COPS7A: variants seen among roughly 807,000 people sequenced by gnomAD.
COPS7A encodes COP9 signalosome subunit 7A.
A neutral mutation model predicts 35.2 loss-of-function variants in COPS7A; 20 were observed. The observed-to-expected ratio is 0.57, with a 90% CI of 0.40 to 0.83. COPS7A has a LOEUF of 0.83. COPS7A is among the 40% of genes least tolerant of loss of function. The pLI, the probability that COPS7A is intolerant of heterozygous loss-of-function variation, is 0.00. For missense variants in COPS7A, 247 were observed against 347.5 expected (o/e 0.71, Z 2.30); for synonymous variants, 139 against 141.4 (o/e 0.98, Z 0.12).
chr12:6,728,336 C>T (rs528908736), intron 4 of COPS7A, 25 bp downstream of exon 4: 20 of 1,590,464 alleles, frequency 1.3e-5, no homozygotes, highest in South Asian at 4.4e-5. Flanking sequence ...CCCAGTCCTA[C>T]GGTCTAGAGC....
rs146849329 is a variant in COPS7A, at chr12:6,730,665, G to A, written c.637-4G>A. ...TGCTATCCCCATTCCTTTCATCCTG[G>A]TAGGTTGCCAACCTTAAAAAAACCA... On this transcript the variant is annotated splice_region_variant and splice_polypyrimidine_tract_variant and intron_variant, in intron 6 of 7. Coordinates refer to ENST00000543155, the MANE Select transcript of COPS7A (RefSeq NM_001164094.2). 7,654 of 1,614,046 alleles carry A rather than the reference G, an allele frequency of 4.7e-3. 29 individuals are homozygous for A. The highest frequency in any genetic ancestry group is 5.5e-3 in the Non-Finnish European group (6,536 of 1,179,982).
intron 6 of COPS7A, 30 bp downstream of exon 6, chr12:6,730,537 A>G (rs1368288009): frequency 2.5e-6 from 4 of 1,612,378 alleles, no homozygotes; most frequent in African/African-American, 2.7e-5. Flanking sequence ...GGCAGACCCA[A>G]ACTCCTCCAG....
At chr12:6,726,279 C>T (rs920940724) in intron 2 of COPS7A, among the ~76,000 whole-genome samples, 11 of 150,918 alleles carry the variant, frequency 7.3e-5, no homozygotes, top group Admixed American at 2.7e-4. Flanking sequence ...CAGAGCGAGA[C>T]TCCATCTCAA....
rs1001415163 is a variant in COPS7A, at chr12:6,730,757, T to C, written c.725T>C (p.Leu242Pro). ...SQDPEQHLTE[L>P]REPAPGTNQR... ...GACCCTGAGCAACACCTGACTGAGCTGAGGGAACCAGCTCCTGGCACCAAC... is the reference window on the plus strand; with the variant it reads ...GACCCTGAGCAACACCTGACTGAGCCGAGGGAACCAGCTCCTGGCACCAAC... The change falls in exon 7 of 8, where the codon CTG (leucine) becomes CCG (proline). Residue 242 changes from leucine (L) to proline (P), a missense_variant. Coordinates refer to ENST00000543155, the MANE Select transcript of COPS7A (RefSeq NM_001164094.2). 1 of 1,614,056 alleles carries C rather than the reference T, an allele frequency of 6.2e-7. No homozygotes were observed. Among genetic ancestry groups the C allele is most frequent in the African/African-American group, 1.3e-5 (1 of 74,918 alleles).
In COPS7A at chr12:6,730,988, T is replaced by C. The variant is rs368132382; in HGVS notation, c.789-12T>C. 19 of 1,611,460 alleles carry C rather than the reference T, an allele frequency of 1.2e-5. No individual in the cohort carries two copies. In the African/African-American group the frequency reaches 1.6e-4, roughly 14 times the overall value. The stretch of plus-strand genomic sequence containing the variant: ...TCTCTCTCTCTCTCTTTCTCTCTCT[T>C]CTCCTTGCCAGGCTCCGAGGGAGCG... On this transcript the variant is annotated splice_polypyrimidine_tract_variant and intron_variant, in intron 7 of 7. Coordinates refer to ENST00000543155, the MANE Select transcript of COPS7A (RefSeq NM_001164094.2).
chr12:6,731,371 T>C lies in COPS7A; in HGVS notation c.*332T>C. ...TGGGTAGCCCTGATGGGGGTCGCTC[T>C]GTCTGGAGCATAACCCACAGGCGTT... On this transcript the variant is annotated 3_prime_UTR_variant, in exon 8 of 8. Coordinates refer to ENST00000543155, the MANE Select transcript of COPS7A (RefSeq NM_001164094.2). 7.4e-7 allele frequency: 1 copy of C among 1,343,174 alleles called. No individual in the cohort carries two copies. Among genetic ancestry groups the C allele is most frequent in the Non-Finnish European group, 9.6e-7 (1 of 1,041,038 alleles). 83.2% of individuals were successfully genotyped at this position (1,343,174 alleles called of 1,614,324 possible).
At position 6,724,384 on chromosome 12, in the gene COPS7A, A is replaced by G. The variant is rs567005637; in HGVS notation, c.-44+205A>G. ...TTTGCATCCTGTGTCTTGGGGTTCA[A>G]TGGGGTGCACGTGATGGGGCTTGGG... On this transcript the variant is annotated intron_variant, in intron 1 of 7. Coordinates refer to ENST00000543155, the MANE Select transcript of COPS7A (RefSeq NM_001164094.2). The G allele has an allele frequency of 3.0e-3, 1,571 of 520,296 alleles. 3 individuals are homozygous for G. The highest frequency in any genetic ancestry group is 4.0e-3 in the Non-Finnish European group (1,112 of 280,450). 32.2% of individuals were successfully genotyped at this position (520,296 alleles called of 1,614,324 possible). A position where few individuals can be genotyped will look rare whatever the true frequency, so the allele number is the denominator to read the frequency against.
At position 6,730,422 on chromosome 12, in the gene COPS7A, T is replaced by C. The variant is rs758294402; in HGVS notation, c.551T>C (p.Val184Ala). 6.2e-7 allele frequency: 1 copy of C among 1,614,072 alleles called. No individual in the cohort carries two copies. Among genetic ancestry groups the C allele is most frequent in the South Asian group, 1.1e-5 (1 of 91,070 alleles). ...TGCAGGTGTGTGGGCTGTGAGGTCG[T>C]GCTGTCAGGCATTGAGGAGCAGGTG... Reference protein sequence around the residue: ...LQEWCVGCEVVLSGIEEQVSR... With the variant: ...LQEWCVGCEVALSGIEEQVSR... The change falls in exon 6 of 8, where the codon GTG becomes GCG. Residue 184 changes from valine to alanine, a missense_variant. Val to Ala is a moderately conservative substitution (Grantham distance 64). Coordinates refer to ENST00000543155, the MANE Select transcript of COPS7A (RefSeq NM_001164094.2).
At position 6,730,696 on chromosome 12, in the gene COPS7A, G is replaced by A; in HGVS notation, c.664G>A (p.Val222Ile). 6.2e-7 allele frequency: 1 copy of A among 1,614,130 alleles called. No individual in the cohort carries two copies. The highest frequency in any genetic ancestry group is 8.5e-7 in the Non-Finnish European group (1 of 1,180,016). Residue 222 changes from valine to isoleucine, a missense_variant, in exon 7 of 8, where the codon GTT becomes ATT. By Grantham distance (29) the Val-to-Ile change is conservative. Transcript: ENST00000543155. Reference sequence around the variant, plus strand: ...TGCCAACCTTAAAAAAACCATTAAAGTTACGACGGCAGCAGCAGCCGCAGC... The same window carrying A: ...TGCCAACCTTAAAAAAACCATTAAAATTACGACGGCAGCAGCAGCCGCAGC... ...EVANLKKTIK[V>I]TTAAAAAATS... is the part of the protein sequence containing the mutation.
At position 6,728,165 on chromosome 12, in the gene COPS7A, C is replaced by T. The variant is rs1041866627; in HGVS notation, c.239-58C>T. 1.0e-5 allele frequency: 16 copies of T among 1,551,182 alleles called. No homozygotes were observed. In the African/African-American group the frequency reaches 2.2e-4, roughly 21 times the overall value. On this transcript the variant is annotated intron_variant, in intron 3 of 7. Coordinates refer to ENST00000543155, the MANE Select transcript of COPS7A (RefSeq NM_001164094.2). ...GAAAGTGGGAGGGAAGGGAAGGAGG[C>T]TAGGGCTTCCCAGAAAACTGAAATC... is the stretch of plus-strand genomic sequence containing the variant.
In COPS7A at chr12:6,728,279, C is replaced by T; in HGVS notation, c.295C>T (p.Leu99Phe). Residue 99 changes from leucine (L) to phenylalanine (F), a missense_variant, in exon 4 of 8, where the codon CTC (leucine) becomes TTC (phenylalanine). By Grantham distance (22) the Leu-to-Phe change is conservative. Transcript: ENST00000543155. Reference sequence around the variant, plus strand: ...GGCTCAGAAGAATAAGCTTCGACACCTCTCAGTTGTCACCCTGGCTGCTAA... The same window carrying T: ...GGCTCAGAAGAATAAGCTTCGACACTTCTCAGTTGTCACCCTGGCTGCTAA... ...TEAQKNKLRH[L>F]SVVTLAAKVK... is the part of the protein sequence containing the mutation. 1.9e-6 allele frequency: 3 copies of T among 1,614,162 alleles called. No individual in the cohort carries two copies. The highest frequency in any genetic ancestry group is 2.5e-6 in the Non-Finnish European group (3 of 1,180,014).
Position 6,731,338 on chromosome 12 carries a change from T to A in COPS7A, c.*299T>A. ...TCTGTCCCTGTTCATTACATGTCAT[T>A]GAGTAGGTGGGTAGCCCTGATGGGG... On this transcript the variant is annotated 3_prime_UTR_variant, in exon 8 of 8. Coordinates refer to ENST00000543155, the MANE Select transcript of COPS7A (RefSeq NM_001164094.2). The A allele has an allele frequency of 7.1e-7, 1 of 1,410,276 alleles. No homozygotes were observed. Among genetic ancestry groups the A allele is most frequent in the Non-Finnish European group, 9.2e-7 (1 of 1,086,162 alleles). The allele number at this position is 1,410,276 out of a possible 1,614,324, so 87.4% of individuals were successfully genotyped here.
rs3168600 is a variant in COPS7A, at chr12:6,731,043, G to A, written c.*4G>A. The A allele has an allele frequency of 0.65, 1,046,431 of 1,613,264 alleles. 341,820 individuals carry two copies. The highest frequency in any genetic ancestry group is 0.8 in the South Asian group (73,176 of 91,074). ...GATTTGGTCCAAGTCGAATTGAAAG[G>A]ACTGTCGTTTCCTCCCTGGGGATGT... On this transcript the variant is annotated 3_prime_UTR_variant, in exon 8 of 8. Transcript: ENST00000543155.
chr12:6,730,019 G>A (rs1377408639), intron 5 of COPS7A, among the ~76,000 whole-genome samples: 1 of 152,110 alleles, frequency 6.6e-6, no homozygotes, highest in Non-Finnish European at 1.5e-5. Flanking sequence ...TCCCAACTCA[G>A]ACTCAAAATG....
chr12:6,724,209 G>A (rs974032196), intron 1 of COPS7A, 30 bp downstream of exon 1: 3 of 269,648 alleles, frequency 1.1e-5, no homozygotes, highest in African/African-American at 4.7e-5. Flanking sequence ...GGGAGCCCAC[G>A]GTCGCTGGGC....
intron 4 of COPS7A, 120 bp downstream of exon 4, chr12:6,728,431 T>G: frequency 1.4e-6 from 1 of 694,096 alleles, no homozygotes; most frequent in Non-Finnish European, 2.5e-6. Flanking sequence ...TCCTCCAAGG[T>G]CTGTATATAA....
chr12:6,730,131 TCA>T (rs1941355827), intron 5 of COPS7A, among the ~76,000 whole-genome samples: 1 of 152,170 alleles, frequency 6.6e-6, no homozygotes, highest in Admixed American at 6.5e-5. Flanking sequence ...ACCCTCCACC[TCA>T]GTCTCTTGAG....
intron 7 of COPS7A, 82 bp downstream of exon 7, chr12:6,730,902 G>A: frequency 6.3e-7 from 1 of 1,593,378 alleles, no homozygotes; most frequent in South Asian, 1.1e-5. Flanking sequence ...ATTTCCTTCA[G>A]TTATTTGCAT....
In COPS7A at chr12:6,731,142, T is replaced by G; in HGVS notation, c.*103T>G. 1 of 1,609,170 alleles carries G rather than the reference T, an allele frequency of 6.2e-7. No homozygotes were observed. Among genetic ancestry groups the G allele is most frequent in the South Asian group, 1.1e-5 (1 of 90,478 alleles). Reference sequence around the variant, plus strand: ...TGTGCCCCTGGCCAGCTGATAATCCTAGGTTCATGACCCTTCACCTCCCCT... The same window carrying G: ...TGTGCCCCTGGCCAGCTGATAATCCGAGGTTCATGACCCTTCACCTCCCCT... On this transcript the variant is annotated 3_prime_UTR_variant, in exon 8 of 8. Coordinates refer to ENST00000543155, the MANE Select transcript of COPS7A (RefSeq NM_001164094.2).
Sources: allele counts gnomAD v4.1 joint callset (sites outside exome capture counted in the v4.1 genomes callset), GRCh38; gene constraint gnomAD v4.1.1; transcripts MANE v1.5; gene names NCBI Gene and HGNC (gene_info 2026-07-23, HGNC 2026-07-21).